UNC5C: variants seen among roughly 807,000 people sequenced by gnomAD.
UNC5C encodes the protein netrin receptor UNC5C.
UNC5C carries 47 observed loss-of-function variants against 99.8 expected under a neutral mutation model. The ratio of observed to expected loss-of-function variants is 0.47; its 90% CI spans 0.37 to 0.60. The LOEUF (loss-of-function observed/expected upper bound fraction) is 0.60. Ranked by LOEUF, UNC5C falls within the 20% of genes least tolerant of loss-of-function variation. The pLI is 0.00. For synonymous variants in UNC5C, 487 were observed against 452.2 expected (o/e 1.08, Z -0.98); for missense variants, 1,062 against 1,165.9 (o/e 0.91, Z 1.30).
In UNC5C at chr4:95,351,599, T is replaced by C. The variant is rs552987335; in HGVS notation, c.125-15968A>G. On this transcript the variant is annotated intron_variant, in intron 1 of 15. Transcript: ENST00000453304. ...CTTTGGGAGGCAGAGGAGGAAGGAT[T>C]GCTTGAGCCCAGGGGTTTGAGACTA... Among the ~76,000 whole-genome samples the C allele has an allele frequency of 2.4e-3, 364 of 152,156 alleles. 2 individuals carry two copies. The highest frequency in any genetic ancestry group is 8.5e-3 in the African/African-American group (351 of 41,530).
At chr4:95,500,418 A>T (rs1410160040) in intron 1 of UNC5C, among the ~76,000 whole-genome samples, 2 of 152,226 alleles carry the variant, frequency 1.3e-5, no homozygotes, top group South Asian at 4.1e-4. Context: ...TAAGTTCTAA[A>T]AAAAACAAGC....
At chr4:95,523,424 T>C (rs1172328564) in intron 1 of UNC5C, among the ~76,000 whole-genome samples, 1 of 152,092 alleles carries the variant, frequency 6.6e-6, no homozygotes, top group East Asian at 1.9e-4. Flanking sequence ...TCACCTTTCT[T>C]TTGACATAAC....
At chr4:95,470,332 C>A (rs115620848) in intron 1 of UNC5C, among the ~76,000 whole-genome samples, 1 of 152,028 alleles carries the variant, frequency 6.6e-6, no homozygotes, top group Non-Finnish European at 1.5e-5. Context: ...TTAGTTCAAA[C>A]GCATGTTGTT....
chr4:95,444,690 G>A (rs1319202542), intron 1 of UNC5C, among the ~76,000 whole-genome samples: 1 of 152,104 alleles, frequency 6.6e-6, no homozygotes, highest in Non-Finnish European at 1.5e-5. Context: ...ACAAAGTACC[G>A]TAGGTACAAC....
intron 1 of UNC5C, among the ~76,000 whole-genome samples, chr4:95,344,795 G>A (rs963574626): frequency 6.6e-6 from 1 of 151,810 alleles, no homozygotes; most frequent in Non-Finnish European, 1.5e-5. Context: ...TGGATGACAA[G>A]ATATCATTTA....
At chr4:95,316,416 A>G (rs1443900283) in intron 2 of UNC5C, among the ~76,000 whole-genome samples, 1 of 152,174 alleles carries the variant, frequency 6.6e-6, no homozygotes, top group Non-Finnish European at 1.5e-5. Context: ...TGGGGCTCTC[A>G]GGATTCCAAG....
intron 1 of UNC5C, among the ~76,000 whole-genome samples, chr4:95,406,092 A>T: frequency 6.6e-6 from 1 of 152,196 alleles, no homozygotes; most frequent in Non-Finnish European, 1.5e-5. Context: ...CTAGCAAAAA[A>T]TTGAGATCAC....
intron 11 of UNC5C, among the ~76,000 whole-genome samples, chr4:95,204,761 A>G (rs1232486870): frequency 6.6e-6 from 1 of 152,228 alleles, no homozygotes; most frequent in East Asian, 1.9e-4. Context: ...GTGTCCCACA[A>G]CCATTTGCTG....
At chr4:95,231,142 G>A (rs1307672660) in intron 7 of UNC5C, among the ~76,000 whole-genome samples, 3 of 152,016 alleles carry the variant, frequency 2.0e-5, no homozygotes, top group African/African-American at 7.3e-5. Context: ...TCTATATGTA[G>A]GTGTCTGGGC....
intron 2 of UNC5C, among the ~76,000 whole-genome samples, chr4:95,306,992 C>G (rs1289164012): frequency 5.3e-5 from 8 of 152,112 alleles, no homozygotes; most frequent in Admixed American, 5.2e-4. Flanking sequence ...TGAAACATAT[C>G]AGTTCTAGAT....
intron 1 of UNC5C, among the ~76,000 whole-genome samples, chr4:95,339,481 GA>G (rs1209897952): frequency 9.8e-6 from 1 of 102,320 alleles, no homozygotes; most frequent in African/African-American, 3.5e-5. Context: ...AAAACAAAAT[GA>G]AAAAAACAGC....
At chr4:95,483,626 T>G (rs17383426) in intron 1 of UNC5C, among the ~76,000 whole-genome samples, 53,936 of 151,544 alleles carry the variant, frequency 0.36, 10,607 homozygotes, top group Non-Finnish European at 0.45. Flanking sequence ...TCAATTTGAC[T>G]CAGAAGCCAT....
chr4:95,480,577 A>C (rs1721107904), intron 1 of UNC5C, among the ~76,000 whole-genome samples: 1 of 151,990 alleles, frequency 6.6e-6, no homozygotes, highest in South Asian at 2.1e-4. Context: ...AGATGATCAC[A>C]ATGGAATTCG....
At chr4:95,448,917 C>T (rs1259674181) in intron 1 of UNC5C, among the ~76,000 whole-genome samples, 3 of 152,068 alleles carry the variant, frequency 2.0e-5, no homozygotes, top group African/African-American at 7.2e-5. Context: ...TCTAGGTGCC[C>T]CTTTTCTTTG....
At chr4:95,310,599 T>A (rs1379702637) in intron 2 of UNC5C, among the ~76,000 whole-genome samples, 1 of 152,216 alleles carries the variant, frequency 6.6e-6, no homozygotes, top group Non-Finnish European at 1.5e-5. Flanking sequence ...ATTCAAAAGT[T>A]AAATAATTTA....
At chr4:95,516,435 A>C (rs2149488908) in intron 1 of UNC5C, among the ~76,000 whole-genome samples, 1 of 152,336 alleles carries the variant, frequency 6.6e-6, no homozygotes, top group East Asian at 1.9e-4. Flanking sequence ...ATGAAGAGTG[A>C]AAGCACACAT....
At chr4:95,466,904 C>G (rs765210458) in intron 1 of UNC5C, among the ~76,000 whole-genome samples, 6 of 152,130 alleles carry the variant, frequency 3.9e-5, no homozygotes, top group Non-Finnish European at 8.8e-5. Flanking sequence ...GATCTAGTGA[C>G]TCACTACTAA....
At chr4:95,190,048 T>G (rs556454925) in intron 12 of UNC5C, among the ~76,000 whole-genome samples, 72 of 152,292 alleles carry the variant, frequency 4.7e-4, no homozygotes, top group African/African-American at 1.7e-3. Flanking sequence ...ACATGTATGT[T>G]TATTGCGGCA....
At chr4:95,328,004 C>A (rs942377976) in intron 2 of UNC5C, among the ~76,000 whole-genome samples, 1 of 146,500 alleles carries the variant, frequency 6.8e-6, no homozygotes, top group African/African-American at 2.5e-5. Context: ...ATAACATGTG[C>A]CCTCTGGGGC....
Sources: allele counts gnomAD v4.1 joint callset (sites outside exome capture counted in the v4.1 genomes callset), GRCh38; gene constraint gnomAD v4.1.1; transcripts MANE v1.5; gene names NCBI Gene and HGNC (gene_info 2026-07-23, HGNC 2026-07-21).